The following CPNE4 variants were observed in gnomAD, a reference collection of about 807,000 sequenced individuals.
CPNE4 encodes the protein copine 4, also known as copine-4.
A neutral mutation model predicts 67.9 loss-of-function variants in CPNE4; 25 were observed. The ratio of observed to expected loss-of-function variants is 0.37; its 90% CI spans 0.27 to 0.51. The LOEUF (loss-of-function observed/expected upper bound fraction) is 0.51, where lower values mean the gene tolerates loss of function less well. Ranked by LOEUF, CPNE4 falls within the 20% of genes least tolerant of loss-of-function variation. The pLI is 0.93. For missense variants in CPNE4, 464 were observed against 690.8 expected, an observed-to-expected ratio of 0.67 and a Z score of 3.68; for synonymous variants, 242 against 244.9, an observed-to-expected ratio of 0.99 and a Z score of 0.11.
chr3:131,693,171 C>T (rs376571384), intron 5 of CPNE4, among the ~76,000 whole-genome samples: 3 of 152,144 alleles, frequency 2.0e-5, no homozygotes, highest in African/African-American at 7.2e-5. Context: ...GTGCATTTCT[C>T]TGTCACTGTG....
chr3:131,576,266 T>G (rs1484420867), intron 9 of CPNE4, among the ~76,000 whole-genome samples: 1 of 152,158 alleles, frequency 6.6e-6, no homozygotes, highest in African/African-American at 2.4e-5. Flanking sequence ...TAGTGCTTAC[T>G]TTTGGTGTCC....
chr3:131,957,691 G>A (rs769286079), intron 1 of CPNE4, among the ~76,000 whole-genome samples: 1 of 152,174 alleles, frequency 6.6e-6, no homozygotes, highest in African/African-American at 2.4e-5. Flanking sequence ...TGCTAACTGT[G>A]GGAGGCATTT....
At chr3:131,657,532 ATTTTTT>A (rs55842033) in intron 7 of CPNE4, among the ~76,000 whole-genome samples, 9 of 120,196 alleles carry the variant, frequency 7.5e-5, no homozygotes, top group Admixed American at 1.7e-4. Flanking sequence ...AATTATCTGT[ATTTTTT>A]TTTTTTTTTT....
chr3:131,714,822 A>G (rs1016903779), intron 3 of CPNE4, among the ~76,000 whole-genome samples: 6 of 152,208 alleles, frequency 3.9e-5, no homozygotes, highest in African/African-American at 1.4e-4. Context: ...AGAAGATGGT[A>G]TATAATCTCT....
intron 1 of CPNE4, among the ~76,000 whole-genome samples, chr3:132,031,413 CG>C (rs759038549): frequency 6.6e-5 from 10 of 152,064 alleles, no homozygotes; most frequent in Non-Finnish European, 1.2e-4. Flanking sequence ...TCAAAGTGCA[CG>C]GAATACAGAT....
chr3:131,954,729 G>C (rs145040902), intron 1 of CPNE4, among the ~76,000 whole-genome samples: 1 of 151,986 alleles, frequency 6.6e-6, no homozygotes, highest in Non-Finnish European at 1.5e-5. Flanking sequence ...CCCACCTATG[G>C]GTGAGAACAT....
chr3:131,606,816 A>T (rs1292275163), intron 7 of CPNE4, among the ~76,000 whole-genome samples: 1 of 152,116 alleles, frequency 6.6e-6, no homozygotes, highest in Non-Finnish European at 1.5e-5. Context: ...AACCAAGTTT[A>T]AGATAATACA....
chr3:131,975,685 T>C (rs1037220921), intron 1 of CPNE4, among the ~76,000 whole-genome samples: 1 of 152,218 alleles, frequency 6.6e-6, no homozygotes, highest in Non-Finnish European at 1.5e-5. Flanking sequence ...TTTGTACCAG[T>C]TGCTATCCTA....
intron 1 of CPNE4, among the ~76,000 whole-genome samples, chr3:131,939,022 C>G (rs562443715): frequency 1.5e-4 from 23 of 152,238 alleles, no homozygotes; most frequent in Middle Eastern, 3.4e-3. Context: ...CACTCTCTTG[C>G]ACCACTAATG....
chr3:131,728,482 T>A (rs1222594622), intron 2 of CPNE4, among the ~76,000 whole-genome samples: 1 of 152,198 alleles, frequency 6.6e-6, no homozygotes. Context: ...TAATGCATCA[T>A]CCAGACGACA....
At chr3:131,746,091 G>A (rs2082480904) in intron 2 of CPNE4, among the ~76,000 whole-genome samples, 1 of 151,866 alleles carries the variant, frequency 6.6e-6, no homozygotes, top group Admixed American at 6.6e-5. Flanking sequence ...TTCAAGTTCT[G>A]TATATGTTTT....
intron 10 of CPNE4, among the ~76,000 whole-genome samples, chr3:131,568,144 A>C (rs1174261610): frequency 6.6e-6 from 1 of 152,056 alleles, no homozygotes; most frequent in African/African-American, 2.4e-5. Context: ...AAATTTTATC[A>C]TGTGACTAGA....
chr3:131,905,669 C>T (rs2088721136), intron 1 of CPNE4, among the ~76,000 whole-genome samples: 1 of 152,162 alleles, frequency 6.6e-6, no homozygotes, highest in Admixed American at 6.6e-5. Context: ...AAGAACACTA[C>T]TTTCTTGTAT....
chr3:131,960,070 G>A (rs1450301326), intron 1 of CPNE4, among the ~76,000 whole-genome samples: 7 of 150,826 alleles, frequency 4.6e-5, no homozygotes, highest in South Asian at 4.2e-4. Context: ...GGACATGAGC[G>A]AGACAGAGTG....
At chr3:132,008,280 A>G (rs1336136373) in intron 1 of CPNE4, among the ~76,000 whole-genome samples, 1 of 152,220 alleles carries the variant, frequency 6.6e-6, no homozygotes, top group African/African-American at 2.4e-5. Flanking sequence ...AGAGTAATCT[A>G]AAAATATCAA....
intron 5 of CPNE4, among the ~76,000 whole-genome samples, chr3:131,695,470 T>C (rs1269119651): frequency 6.6e-6 from 1 of 152,176 alleles, no homozygotes; most frequent in Non-Finnish European, 1.5e-5. Flanking sequence ...AAACTAGAGG[T>C]ACTTAAGAGC....
intron 1 of CPNE4, among the ~76,000 whole-genome samples, chr3:131,923,453 C>G (rs1160470429): frequency 6.6e-6 from 1 of 152,036 alleles, no homozygotes; most frequent in African/African-American, 2.4e-5. Context: ...GCCTGTATTT[C>G]CAGCACTTTG....
At chr3:131,882,521 A>G (rs747208285) in intron 2 of CPNE4, among the ~76,000 whole-genome samples, 1 of 152,184 alleles carries the variant, frequency 6.6e-6, no homozygotes, top group Admixed American at 6.5e-5. Context: ...AAGCTTACCC[A>G]ATATGAATAT....
chr3:131,621,699 A>G (rs746160769), intron 7 of CPNE4, among the ~76,000 whole-genome samples: 2 of 152,148 alleles, frequency 1.3e-5, no homozygotes, highest in Non-Finnish European at 2.9e-5. Context: ...ATGTTTCCTA[A>G]AAATTATGCC....
Sources: allele counts gnomAD v4.1 joint callset (sites outside exome capture counted in the v4.1 genomes callset), GRCh38; gene constraint gnomAD v4.1.1; transcripts MANE v1.5; gene names NCBI Gene and HGNC (gene_info 2026-07-23, HGNC 2026-07-21).